Variants in SAMMSON observed in about 807,000 individuals in gnomAD.
SAMMSON encodes the protein survival associated mitochondrial melanoma specific oncogenic non-coding RNA, also known as long intergenic non-protein coding RNA 1212.
intron 4 of SAMMSON, among the ~76,000 whole-genome samples, chr3:70,199,902 A>G (rs1408767540): frequency 6.6e-6 from 1 of 152,150 alleles, no homozygotes; most frequent in Non-Finnish European, 1.5e-5. Flanking sequence ...CGTCTTCAAA[A>G]CATCTCACTT....
Position 70,199,881 on chromosome 3 carries a change from C to T in SAMMSON, n.508-49226C>T, listed in dbSNP as rs1405789208. On this transcript the variant is annotated intron_variant and non_coding_transcript_variant, in intron 4 of 9. Transcript: ENST00000642114. Reference sequence around the variant, plus strand: ...ATATATGCTATTGCCTGCTGCACGTCTCTTCTGCAACGTCTTCAAAACATC... The same window carrying T: ...ATATATGCTATTGCCTGCTGCACGTTTCTTCTGCAACGTCTTCAAAACATC... Among the ~76,000 whole-genome samples the T allele has an allele frequency of 2.0e-5, 3 of 152,184 alleles. No homozygotes were observed. In the East Asian group the frequency reaches 5.8e-4, roughly 29 times the overall value.
At chr3:70,142,039 T>A (rs753643749) in intron 4 of SAMMSON, among the ~76,000 whole-genome samples, 1 of 152,150 alleles carries the variant, frequency 6.6e-6, no homozygotes, top group Admixed American at 6.6e-5. Context: ...TAATAGATGT[T>A]GGTGTGAATG....
At chr3:70,131,796 T>C (rs1366226878) in intron 4 of SAMMSON, among the ~76,000 whole-genome samples, 7 of 152,062 alleles carry the variant, frequency 4.6e-5, no homozygotes, top group Non-Finnish European at 1.0e-4. Flanking sequence ...ATTGCTCGTC[T>C]AGAACTCCTG....
intron 4 of SAMMSON, among the ~76,000 whole-genome samples, chr3:70,240,682 A>G (rs1277649331): frequency 6.6e-6 from 1 of 152,138 alleles, no homozygotes; most frequent in Non-Finnish European, 1.5e-5. Context: ...CTATAGTACC[A>G]ATCTGGTTTA....
At chr3:70,253,397 G>A (rs1210081178) in intron 6 of SAMMSON, among the ~76,000 whole-genome samples, 1 of 152,212 alleles carries the variant, frequency 6.6e-6, no homozygotes, top group Non-Finnish European at 1.5e-5. Flanking sequence ...GAGAGTGGAT[G>A]AAGAGTTGTA....
At chr3:70,158,118 C>A (rs1576138475) in intron 4 of SAMMSON, among the ~76,000 whole-genome samples, 1 of 151,946 alleles carries the variant, frequency 6.6e-6, no homozygotes, top group African/African-American at 2.4e-5. Flanking sequence ...GTAAATTTAC[C>A]AAGTTGTGCA....
At chr3:70,089,323 A>C (rs1559788884) in intron 4 of SAMMSON, among the ~76,000 whole-genome samples, 1 of 152,204 alleles carries the variant, frequency 6.6e-6, no homozygotes, top group Non-Finnish European at 1.5e-5. Context: ...CTCTGTGCTT[A>C]ATATGCATCA....
At chr3:70,235,196 C>T (rs1470037258) in intron 4 of SAMMSON, among the ~76,000 whole-genome samples, 1 of 152,168 alleles carries the variant, frequency 6.6e-6, no homozygotes, top group African/African-American at 2.4e-5. Context: ...TTACCATCCA[C>T]AAAAGATGTG....
intron 4 of SAMMSON, among the ~76,000 whole-genome samples, chr3:70,139,881 C>T (rs1368830369): frequency 6.6e-6 from 1 of 152,150 alleles, no homozygotes; most frequent in Non-Finnish European, 1.5e-5. Flanking sequence ...ATGAATAGCA[C>T]CTGGCTCCAT....
At chr3:70,222,726 C>A (rs1227492338) in intron 4 of SAMMSON, among the ~76,000 whole-genome samples, 1 of 152,116 alleles carries the variant, frequency 6.6e-6, no homozygotes, top group Non-Finnish European at 1.5e-5. Flanking sequence ...ACAAAGTTGT[C>A]TCTTGGTGAT....
intron 4 of SAMMSON, among the ~76,000 whole-genome samples, chr3:70,193,920 C>T (rs952182992): frequency 6.6e-6 from 1 of 152,104 alleles, no homozygotes; most frequent in African/African-American, 2.4e-5. Flanking sequence ...AGTTTCTCTG[C>T]CTGGATGTTT....
At chr3:70,200,479 T>C (rs1336764179) in intron 4 of SAMMSON, among the ~76,000 whole-genome samples, 1 of 152,192 alleles carries the variant, frequency 6.6e-6, no homozygotes, top group Non-Finnish European at 1.5e-5. Context: ...GCACATGCTG[T>C]GTTTTTGCCT....
At chr3:70,113,196 A>G (rs755422986) in intron 4 of SAMMSON, among the ~76,000 whole-genome samples, 6 of 152,258 alleles carry the variant, frequency 3.9e-5, no homozygotes, top group Non-Finnish European at 8.8e-5. Flanking sequence ...TTATCACACC[A>G]TAATTAATGA....
intron 4 of SAMMSON, among the ~76,000 whole-genome samples, chr3:70,195,828 TG>T (rs1701171158): frequency 6.6e-6 from 1 of 152,248 alleles, no homozygotes. Context: ...TTAACCTAGA[TG>T]TGTTTTCACC....
At chr3:70,064,848 G>A (rs991468969) in intron 3 of SAMMSON, among the ~76,000 whole-genome samples, 2 of 152,030 alleles carry the variant, frequency 1.3e-5, no homozygotes, top group South Asian at 2.1e-4. Flanking sequence ...TATGCATGGC[G>A]TGTGTACAGT....
chr3:70,319,107 A>G (rs951391918), intron 7 of SAMMSON, among the ~76,000 whole-genome samples: 1 of 152,056 alleles, frequency 6.6e-6, no homozygotes, highest in African/African-American at 2.4e-5. Context: ...GCCCTTAGCC[A>G]AGACTATCTG....
At chr3:70,225,191 A>C (rs578115647) in intron 4 of SAMMSON, among the ~76,000 whole-genome samples, 31 of 136,926 alleles carry the variant, frequency 2.3e-4, no homozygotes, top group African/African-American at 8.1e-4. Context: ...CCACAAAAGA[A>C]ATTTTATTTT....
At chr3:70,400,812 A>G (rs1701134025) in intron 2 of SAMMSON, among the ~76,000 whole-genome samples, 1 of 152,086 alleles carries the variant, frequency 6.6e-6, no homozygotes, top group Non-Finnish European at 1.5e-5. Context: ...TGCACCTGTA[A>G]TTCCAGCTAC....
In SAMMSON at chr3:70,281,526, T is replaced by C. The variant is rs572323488; in HGVS notation, n.675-9653T>C. 1.7e-3 allele frequency among the ~76,000 whole-genome samples: 258 copies of C among 152,246 alleles called. 1 individual carries two copies. Among genetic ancestry groups the C allele is most frequent in the South Asian group, 3.1e-3 (15 of 4,820 alleles). ...GTCTCTTTAATAGTAGTGGAGGTGATAAAATGAGATCATATAAGTGTCTAG... is the reference window on the plus strand; with the variant it reads ...GTCTCTTTAATAGTAGTGGAGGTGACAAAATGAGATCATATAAGTGTCTAG... On this transcript the variant is annotated intron_variant and non_coding_transcript_variant, in intron 6 of 9. Transcript: ENST00000642114.
Sources: allele counts gnomAD v4.1 joint callset (sites outside exome capture counted in the v4.1 genomes callset), GRCh38; gene constraint gnomAD v4.1.1; transcripts MANE v1.5; gene names NCBI Gene and HGNC (gene_info 2026-07-23, HGNC 2026-07-21).